Variants in DCPS observed in about 807,000 individuals in gnomAD.
The protein encoded by DCPS is decapping enzyme, scavenger, also known as m7GpppX diphosphatase.
In DCPS, 27 loss-of-function variants were observed where a neutral mutation model predicts 34.7. The ratio of observed to expected loss-of-function variants is 0.78; its 90% CI spans 0.57 to 1.07. The LOEUF (loss-of-function observed/expected upper bound fraction) is 1.07, where lower values mean the gene tolerates loss of function less well. Among genes scored for constraint, DCPS ranks in the 50% least tolerant of loss-of-function variants. The pLI, the probability that DCPS is intolerant of heterozygous loss-of-function variation, is 0.00. For synonymous variants in DCPS, 185 were observed against 185.7 expected (o/e 1.00, Z 0.03); for missense variants, 464 against 436.9 (o/e 1.06, Z -0.55).
Position 126,329,873 on chromosome 11 carries a change from C to T in DCPS, c.377-1532C>T, listed in dbSNP as rs1440827520. ...ACTTCGTGGTGGTGAAATGTGCCCG[C>T]TGGGTTTTCAGCTCTCTCGGGTTTC... is the stretch of plus-strand genomic sequence containing the variant. On this transcript the variant is annotated intron_variant, in intron 2 of 5. Coordinates refer to ENST00000263579, the MANE Select transcript of DCPS (RefSeq NM_014026.6). This position sits in a 1 kb window ranked among gnomAD's most constrained non-coding sequence, Gnocchi z 5.0. Among the ~76,000 whole-genome samples the T allele has an allele frequency of 1.3e-5, 2 of 152,162 alleles. No individual in the cohort carries two copies. Among genetic ancestry groups the T allele is most frequent in the Non-Finnish European group, 2.9e-5 (2 of 68,030 alleles).
rs369864439 is a variant in DCPS at position 126,345,605 on chromosome 11, C to G, written c.1006C>G (p.Gln336Glu). The G allele has an allele frequency of 1.9e-6, 3 of 1,612,482 alleles. No individual in the cohort carries two copies. Among genetic ancestry groups the G allele is most frequent in the Non-Finnish European group, 1.7e-6 (2 of 1,179,696 alleles). Reference protein sequence around the residue: ...PLLKLLQEAQQS With the variant: ...PLLKLLQEAQES ...GCTCAAGCTCTTGCAGGAGGCTCAG[C>G]AAAGCTGAATTAACTCAGGCAGAAG... The change falls in exon 6 of 6, where the codon CAA (glutamine) becomes GAA (glutamate). Residue 336 changes from glutamine to glutamate, a missense_variant. By Grantham distance (29) the Gln-to-Glu change is conservative. Transcript: ENST00000263579. This position sits in a 1 kb window ranked among gnomAD's most constrained non-coding sequence, Gnocchi z 7.4.
At chr11:126,307,128 A>G (rs1344081509) in intron 2 of DCPS, among the ~76,000 whole-genome samples, 1 of 151,916 alleles carries the variant, frequency 6.6e-6, no homozygotes, top group Non-Finnish European at 1.5e-5. Context: ...TCAGGAGTTC[A>G]AGACCAGACT....
At chr11:126,314,987 T>A (rs1951647172) in intron 2 of DCPS, among the ~76,000 whole-genome samples, 1 of 151,856 alleles carries the variant, frequency 6.6e-6, no homozygotes, top group African/African-American at 2.4e-5. Context: ...AATAAAAAAA[T>A]AAAAAAATTT....
chr11:126,326,380 G>A (rs1032963974), intron 2 of DCPS, among the ~76,000 whole-genome samples: 1 of 152,200 alleles, frequency 6.6e-6, no homozygotes, highest in Admixed American at 6.5e-5. Flanking sequence ...CACCACACGG[G>A]GCTGTGGGTC....
At chr11:126,316,957 C>CTTT (rs71048779) in intron 2 of DCPS, among the ~76,000 whole-genome samples, 3 of 93,198 alleles carry the variant, frequency 3.2e-5, no homozygotes, top group African/African-American at 4.3e-5. Flanking sequence ...TGCCCGGCCT[C>CTTT]TTTTTTTTTT....
rs1362890234 is a variant in DCPS, at chr11:126,333,630, G to A, written c.522+2080G>A. Among the ~76,000 whole-genome samples the A allele has an allele frequency of 6.6e-6, 1 of 152,180 alleles. No individual in the cohort carries two copies. Among genetic ancestry groups the A allele is most frequent in the Non-Finnish European group, 1.5e-5 (1 of 68,034 alleles). ...CAGAGCTGGAATCATCCGATGCTTT[G>A]GGGGAGCTGCAAGGAGTTTGGTGTG... On this transcript the variant is annotated intron_variant, in intron 3 of 5. Transcript: ENST00000263579. This position sits in a 1 kb window ranked among gnomAD's most constrained non-coding sequence, Gnocchi z 5.7.
In DCPS at chr11:126,322,041, T is replaced by G. The variant is rs1269256060; in HGVS notation, c.377-9364T>G. 6.6e-6 allele frequency among the ~76,000 whole-genome samples: 1 copy of G among 151,928 alleles called. No homozygotes were observed. Among genetic ancestry groups the G allele is most frequent in the Non-Finnish European group, 1.5e-5 (1 of 67,988 alleles). On this transcript the variant is annotated intron_variant, in intron 2 of 5. Transcript: ENST00000263579. This position sits in a 1 kb window ranked among gnomAD's most constrained non-coding sequence, Gnocchi z 4.2. Reference sequence around the variant, plus strand: ...AGGCAGAGAAAATGAAGAAGAAAGGTCTTTAAAGAAATAATTCAAGACAGT... The same window carrying G: ...AGGCAGAGAAAATGAAGAAGAAAGGGCTTTAAAGAAATAATTCAAGACAGT...
chr11:126,308,764 G>A (rs1171435874), intron 2 of DCPS, among the ~76,000 whole-genome samples: 1 of 127,116 alleles, frequency 7.9e-6, no homozygotes, highest in African/African-American at 3.0e-5. Context: ...AGAAGGTTCT[G>A]CCCGACAGAT....
In DCPS at chr11:126,319,203, A is replaced by G. The variant is rs1433414964; in HGVS notation, c.377-12202A>G. Among the ~76,000 whole-genome samples, 1 of 151,928 alleles carries G rather than the reference A, an allele frequency of 6.6e-6. No individual in the cohort carries two copies. The highest frequency in any genetic ancestry group is 1.5e-5 in the Non-Finnish European group (1 of 67,982). ...CACTATCATCATTCTCGCCGCTAGA[A>G]CATCCTGTAGATGAAGAGCTGCTGC... On this transcript the variant is annotated intron_variant, in intron 2 of 5. Transcript: ENST00000263579. This position sits in a 1 kb window ranked among gnomAD's most constrained non-coding sequence, Gnocchi z 4.5.
Position 126,335,176 on chromosome 11 carries a change from G to T in DCPS, c.523-3110G>T, listed in dbSNP as rs1156911070. 6.6e-6 allele frequency among the ~76,000 whole-genome samples: 1 copy of T among 152,248 alleles called. No homozygotes were observed. The highest frequency in any genetic ancestry group is 1.5e-5 in the Non-Finnish European group (1 of 68,046). On this transcript the variant is annotated intron_variant, in intron 3 of 5. Transcript: ENST00000263579. The surrounding 1 kb of genome is among the most constrained non-coding windows in gnomAD (Gnocchi z 4.8). ...ACACATGGCTGGAGGGGAAGTGCAA[G>T]GCAGCAGGCAGAAGCAGAGAGCAGG...
At chr11:126,316,858 G>C (rs560409422) in intron 2 of DCPS, among the ~76,000 whole-genome samples, 2 of 150,424 alleles carry the variant, frequency 1.3e-5, no homozygotes, top group South Asian at 2.1e-4. Flanking sequence ...GTTTCACCTT[G>C]TTGGCCAGGC....
intron 1 of DCPS, among the ~76,000 whole-genome samples, chr11:126,305,013 A>G (rs1166335043): frequency 6.6e-6 from 1 of 152,244 alleles, no homozygotes; most frequent in Non-Finnish European, 1.5e-5. Context: ...GGGGTTCCCT[A>G]GAACTACTAG....
intron 2 of DCPS, among the ~76,000 whole-genome samples, chr11:126,310,581 G>C (rs967679032): frequency 2.0e-5 from 3 of 152,182 alleles, no homozygotes; most frequent in Admixed American, 6.5e-5. Context: ...GCCCATATTA[G>C]GTGCTTTCAA....
rs1951954343 is a variant in DCPS, at chr11:126,348,112, A to G, written c.*2499A>G. Among the ~76,000 whole-genome samples the G allele has an allele frequency of 6.6e-6, 1 of 152,100 alleles. No individual in the cohort carries two copies. The highest frequency in any genetic ancestry group is 1.5e-5 in the Non-Finnish European group (1 of 68,032). ...TAAATAAATGTTTGAGGGGCAAGAG[A>G]GATGGGACAGAGTTCACCCAACAGG... On this transcript the variant is annotated 3_prime_UTR_variant, in exon 6 of 6. Coordinates refer to ENST00000263579, the MANE Select transcript of DCPS (RefSeq NM_014026.6). This position sits in a 1 kb window ranked among gnomAD's most constrained non-coding sequence, Gnocchi z 5.3.
At position 126,331,329 on chromosome 11, in the gene DCPS, C is replaced by G. The variant is rs1951789508; in HGVS notation, c.377-76C>G. 6.4e-7 allele frequency: 1 copy of G among 1,562,870 alleles called. No individual in the cohort carries two copies. The highest frequency in any genetic ancestry group is 1.2e-5 in the South Asian group (1 of 84,336). On this transcript the variant is annotated intron_variant, in intron 2 of 5. Coordinates refer to ENST00000263579, the MANE Select transcript of DCPS (RefSeq NM_014026.6). This position sits in a 1 kb window ranked among gnomAD's most constrained non-coding sequence, Gnocchi z 7.2. Reference sequence around the variant, plus strand: ...GGGAATCAAAGCCAGGGTGGGAGTTCTCTCCTCACCGTGGTGCCTGTGGCA... The same window carrying G: ...GGGAATCAAAGCCAGGGTGGGAGTTGTCTCCTCACCGTGGTGCCTGTGGCA...
chr11:126,338,208 T>C lies in DCPS; in HGVS notation c.523-78T>C, dbSNP rs1001653571. ...TCTGTCTCCTGGAGAGGCCAGGGAA[T>C]GCCCTGAGCTCAGTTTGGGGTATCT... On this transcript the variant is annotated intron_variant, in intron 3 of 5. Transcript: ENST00000263579. This position sits in a 1 kb window ranked among gnomAD's most constrained non-coding sequence, Gnocchi z 5.4. 7.6e-5 allele frequency: 103 copies of C among 1,363,878 alleles called. No individual in the cohort carries two copies. Among genetic ancestry groups the C allele is most frequent in the Non-Finnish European group, 1.0e-4 (97 of 964,028 alleles). The allele number at this position is 1,363,878 out of a possible 1,614,324, so 84.5% of individuals were successfully genotyped here.
rs923158636 is a variant in DCPS, at chr11:126,346,047, A to G, written c.*434A>G. ...CCACCTCTCCTTTGAGGAGTTCCCC[A>G]AAAAACCAAACTTGGAAGCTTTCAG... is the stretch of plus-strand genomic sequence containing the variant. On this transcript the variant is annotated 3_prime_UTR_variant, in exon 6 of 6. Coordinates refer to ENST00000263579, the MANE Select transcript of DCPS (RefSeq NM_014026.6). This position sits in a 1 kb window ranked among gnomAD's most constrained non-coding sequence, Gnocchi z 4.1. Among the ~76,000 whole-genome samples, 1 of 152,108 alleles carries G rather than the reference A, an allele frequency of 6.6e-6. No individual in the cohort carries two copies.
rs1482956249 is a variant in DCPS, at chr11:126,329,107, A to C, written c.377-2298A>C. ...TGCAAGGGCCAAGGTGGTGCCGTTC[A>C]GTCTACTTCAAGCAGTCTCCCGCCT... On this transcript the variant is annotated intron_variant, in intron 2 of 5. Transcript: ENST00000263579. The surrounding 1 kb of genome is among the most constrained non-coding windows in gnomAD (Gnocchi z 5.0). 2.0e-5 allele frequency among the ~76,000 whole-genome samples: 3 copies of C among 152,134 alleles called. No individual in the cohort carries two copies.
In DCPS at chr11:126,345,722, C is replaced by G; in HGVS notation, c.*109C>G. 6.7e-7 allele frequency: 1 copy of G among 1,492,144 alleles called. No homozygotes were observed. Among genetic ancestry groups the G allele is most frequent in the Non-Finnish European group, 9.0e-7 (1 of 1,113,602 alleles). 92.4% of individuals were successfully genotyped at this position (1,492,144 alleles called of 1,614,324 possible). A position where few individuals can be genotyped will look rare whatever the true frequency, so the allele number is the denominator to read the frequency against. On this transcript the variant is annotated 3_prime_UTR_variant, in exon 6 of 6. Transcript: ENST00000263579. This position sits in a 1 kb window ranked among gnomAD's most constrained non-coding sequence, Gnocchi z 7.4. Reference sequence around the variant, plus strand: ...AAAATGTATTTTATACCGGCTTATTCCTAGTATTGAATAAACTAGCGGGCT... The same window carrying G: ...AAAATGTATTTTATACCGGCTTATTGCTAGTATTGAATAAACTAGCGGGCT...
Sources: gnomAD v4.1 joint callset for allele counts (sites outside exome capture counted in the v4.1 genomes callset) on GRCh38, gnomAD v4.1.1 for gene constraint, Gnocchi (gnomAD v3.1) non-coding constraint, MANE v1.5 for transcripts, NCBI Gene and HGNC (gene_info 2026-07-23, HGNC 2026-07-21) for gene names.